The following PTPRK variants were observed in gnomAD, a reference collection of about 807,000 sequenced individuals.
PTPRK encodes receptor-type tyrosine-protein phosphatase kappa.
In PTPRK, 75 loss-of-function variants were observed where a neutral mutation model predicts 178.0. That is an observed-to-expected ratio of 0.42 (90% CI 0.35 to 0.51). The LOEUF is 0.51. PTPRK is among the 20% of genes least tolerant of loss of function. The pLI is 0.02. For missense variants in PTPRK, 1,441 were observed against 1,797.8 expected (o/e 0.80, Z 3.59); for synonymous variants, 637 against 620.6 (o/e 1.03, Z -0.39).
At chr6:128,222,891 T>C (rs1269132534) in intron 5 of PTPRK, among the ~76,000 whole-genome samples, 1 of 152,200 alleles carries the variant, frequency 6.6e-6, no homozygotes, top group African/African-American at 2.4e-5. Flanking sequence ...CATTCCTACT[T>C]GATTTCCACG....
chr6:127,972,409 GCATA>G (rs1774033693), intron 29 of PTPRK, among the ~76,000 whole-genome samples: 1 of 152,048 alleles, frequency 6.6e-6, no homozygotes, highest in Non-Finnish European at 1.5e-5. Context: ...TTCTTACTCT[GCATA>G]CAGCTTCACC....
intron 2 of PTPRK, among the ~76,000 whole-genome samples, chr6:128,323,834 T>C (rs1829174193): frequency 6.6e-6 from 1 of 152,128 alleles, no homozygotes; most frequent in Non-Finnish European, 1.5e-5. Context: ...TAGGATTCTT[T>C]TTTTTTTCTC....
chr6:128,454,019 T>A (rs1250000388), intron 1 of PTPRK, among the ~76,000 whole-genome samples: 5 of 152,250 alleles, frequency 3.3e-5, no homozygotes, highest in Admixed American at 2.6e-4. Context: ...TATGGATATA[T>A]AATAAGAAAA....
At chr6:128,368,935 CAAAA>C (rs969336451) in intron 2 of PTPRK, among the ~76,000 whole-genome samples, 1 of 148,070 alleles carries the variant, frequency 6.8e-6, no homozygotes, top group South Asian at 2.1e-4. Context: ...CAAAACAAAA[CAAAA>C]AACAAACAAA....
chr6:128,248,860 T>C (rs947030812), intron 3 of PTPRK, among the ~76,000 whole-genome samples: 5 of 152,174 alleles, frequency 3.3e-5, no homozygotes, highest in African/African-American at 9.7e-5. Context: ...ACTTTTAAGG[T>C]AAGAAACACT....
At chr6:128,422,734 A>T (rs919714834) in intron 1 of PTPRK, among the ~76,000 whole-genome samples, 1 of 147,170 alleles carries the variant, frequency 6.8e-6, no homozygotes, top group African/African-American at 2.5e-5. Context: ...TAGAAATATT[A>T]AAAAAAAGAA....
chr6:128,420,740 T>C (rs2128386495), intron 1 of PTPRK, among the ~76,000 whole-genome samples: 1 of 152,258 alleles, frequency 6.6e-6, no homozygotes, highest in Non-Finnish European at 1.5e-5. Context: ...TTTTGTAAAC[T>C]AAAGCTGAAG....
chr6:128,349,416 A>T (rs889056152), intron 2 of PTPRK, among the ~76,000 whole-genome samples: 2 of 152,116 alleles, frequency 1.3e-5, no homozygotes, highest in African/African-American at 4.8e-5. Context: ...ACAGAAATTC[A>T]TTGTAGTTTA....
chr6:128,354,394 C>T (rs1833680856), intron 2 of PTPRK, among the ~76,000 whole-genome samples: 1 of 151,462 alleles, frequency 6.6e-6, no homozygotes, highest in Admixed American at 6.6e-5. Context: ...TCCACCACCG[C>T]CCGGCTAATT....
Position 128,139,553 on chromosome 6 carries a change from C to T in PTPRK, c.1162+44879G>A, listed in dbSNP as rs114583340. On this transcript the variant is annotated intron_variant, in intron 7 of 29. Coordinates refer to ENST00000368226, the MANE Select transcript of PTPRK (RefSeq NM_002844.4). The stretch of plus-strand genomic sequence containing the variant: ...CTTTGAGGAAGGTCTTTTGAATGAT[C>T]AGAGTTCCTTTTAATTACAGTCAAT... Among the ~76,000 whole-genome samples the T allele has an allele frequency of 3.4e-3, 515 of 152,122 alleles. 1 individual carries two copies. The highest frequency in any genetic ancestry group is 0.012 in the African/African-American group (491 of 41,538).
chr6:128,282,294 A>C (rs1477701923), intron 3 of PTPRK, among the ~76,000 whole-genome samples: 1 of 152,240 alleles, frequency 6.6e-6, no homozygotes, highest in East Asian at 1.9e-4. Flanking sequence ...TCAGTATATA[A>C]ACATAAAAGT....
intron 1 of PTPRK, chr6:128,501,108 C>T (rs1243240083): frequency 1.3e-5 from 2 of 152,190 alleles, no homozygotes; most frequent in East Asian, 1.9e-4. Context: ...AAACTCCTGA[C>T]CTCAAATGAT....
At chr6:128,064,461 T>A (rs1781402708) in intron 13 of PTPRK, among the ~76,000 whole-genome samples, 1 of 152,240 alleles carries the variant, frequency 6.6e-6, no homozygotes, top group Admixed American at 6.5e-5. Context: ...CTGCTATTGC[T>A]GACGCTTTCC....
At chr6:128,334,960 C>T (rs1479963192) in intron 2 of PTPRK, among the ~76,000 whole-genome samples, 1 of 151,994 alleles carries the variant, frequency 6.6e-6, no homozygotes, top group Non-Finnish European at 1.5e-5. Context: ...TGGTGGCGGG[C>T]ACCTGTAATC....
rs191340585 is a variant in PTPRK, at chr6:128,260,697, G to A, written c.496-18095C>T. On this transcript the variant is annotated intron_variant, in intron 3 of 29. Coordinates refer to ENST00000368226, the MANE Select transcript of PTPRK (RefSeq NM_002844.4). ...CTACCACAACAAATTTGGAAGCAGG[G>A]ACAACAAAAATTATTTCAAAACAAG... Among the ~76,000 whole-genome samples, 760 of 152,184 alleles carry A rather than the reference G, an allele frequency of 5.0e-3. 2 individuals carry two copies. The highest frequency in any genetic ancestry group is 8.1e-3 in the South Asian group (39 of 4,822).
chr6:128,174,211 A>G (rs1800714569), intron 7 of PTPRK, among the ~76,000 whole-genome samples: 1 of 152,016 alleles, frequency 6.6e-6, no homozygotes, highest in Non-Finnish European at 1.5e-5. Context: ...TATGTCTCAT[A>G]CATTGTGCTA....
chr6:128,043,879 G>C (rs548425282), intron 13 of PTPRK, among the ~76,000 whole-genome samples: 1 of 151,718 alleles, frequency 6.6e-6, no homozygotes, highest in African/African-American at 2.4e-5. Context: ...TTAGTATTCT[G>C]TATATGACAC....
At chr6:128,477,018 G>A (rs1246179692) in intron 1 of PTPRK, among the ~76,000 whole-genome samples, 3 of 151,946 alleles carry the variant, frequency 2.0e-5, no homozygotes, top group Admixed American at 6.6e-5. Context: ...AAGTTAAAAC[G>A]TGATTTCCAA....
At chr6:128,178,465 G>A (rs1411703935) in intron 7 of PTPRK, among the ~76,000 whole-genome samples, 1 of 151,450 alleles carries the variant, frequency 6.6e-6, no homozygotes, top group Non-Finnish European at 1.5e-5. Context: ...TTTTTCATGT[G>A]TATTAATATT....
Sources: allele counts gnomAD v4.1 joint callset (sites outside exome capture counted in the v4.1 genomes callset), GRCh38; gene constraint gnomAD v4.1.1; transcripts MANE v1.5; gene names NCBI Gene and HGNC (gene_info 2026-07-23, HGNC 2026-07-21).